Variants in MAP2K5 observed in about 807,000 individuals in gnomAD.
MAP2K5 encodes mitogen-activated protein kinase kinase 5.
In MAP2K5, 49 loss-of-function variants were observed where a neutral mutation model predicts 83.1. The observed-to-expected ratio is 0.59, with a 90% confidence interval of 0.47 to 0.75. The LOEUF (loss-of-function observed/expected upper bound fraction) is 0.75. Among genes scored for constraint, MAP2K5 ranks in the 30% least tolerant of loss-of-function variants. The pLI is 0.00. For synonymous variants in MAP2K5, 202 were observed against 191.8 expected (o/e 1.05, Z -0.44); for missense variants, 457 against 557.5 (o/e 0.82, Z 1.82).
At chr15:67,614,324 A>G (rs1464479987) in intron 8 of MAP2K5, among the ~76,000 whole-genome samples, 1 of 152,238 alleles carries the variant, frequency 6.6e-6, no homozygotes, top group Non-Finnish European at 1.5e-5. Flanking sequence ...TAGAATATTA[A>G]TTATTAGAAT....
intron 4 of MAP2K5, among the ~76,000 whole-genome samples, chr15:67,584,890 G>A (rs776216634): frequency 7.9e-5 from 12 of 151,146 alleles, no homozygotes; most frequent in Middle Eastern, 3.2e-3. Context: ...TAGAGACAGC[G>A]TTTCACCATA....
chr15:67,669,738 A>G (rs1358851639), intron 13 of MAP2K5, among the ~76,000 whole-genome samples: 2 of 151,988 alleles, frequency 1.3e-5, no homozygotes, highest in African/African-American at 2.4e-5. Context: ...AATTGTTAAC[A>G]GTTTAGTATG....
At chr15:67,678,977 A>AG (rs2087747153) in intron 13 of MAP2K5, among the ~76,000 whole-genome samples, 1 of 151,822 alleles carries the variant, frequency 6.6e-6, no homozygotes, top group Admixed American at 6.6e-5. Flanking sequence ...AAAAAAAAAA[A>AG]AAAGAACTAA....
chr15:67,758,346 G>T lies in MAP2K5; in HGVS notation c.1134+9745G>T, dbSNP rs189690632. Among the ~76,000 whole-genome samples the T allele has an allele frequency of 2.2e-3, 332 of 152,248 alleles. 1 individual carries two copies. The highest frequency in any genetic ancestry group is 6.8e-3 in the Middle Eastern group (2 of 294). ...TGAATCTCAGGGCTTGGGCAGTCAGGTGCATGGTGGTACTCTCCTGAGATG... is the reference window on the plus strand; with the variant it reads ...TGAATCTCAGGGCTTGGGCAGTCAGTTGCATGGTGGTACTCTCCTGAGATG... On this transcript the variant is annotated intron_variant, in intron 19 of 21. Coordinates refer to ENST00000178640, the MANE Select transcript of MAP2K5 (RefSeq NM_145160.3). The surrounding 1 kb of genome is among the most constrained non-coding windows in gnomAD (Gnocchi z 4.7).
chr15:67,669,303 A>C (rs1366381443), intron 13 of MAP2K5, among the ~76,000 whole-genome samples: 1 of 152,172 alleles, frequency 6.6e-6, no homozygotes, highest in Non-Finnish European at 1.5e-5. Context: ...GGAGTGTGTT[A>C]GAGGGTTGTT....
At chr15:67,762,565 CAAAAAAAA>C (rs5813455) in intron 19 of MAP2K5, among the ~76,000 whole-genome samples, 1 of 119,916 alleles carries the variant, frequency 8.3e-6, no homozygotes, top group African/African-American at 3.1e-5. Flanking sequence ...AAATGACAGA[CAAAAAAAA>C]AAAAAAAAAC....
rs2090372460 is a variant in MAP2K5, at chr15:67,784,000, C to A, written c.1242+11248C>A. ...AGTAACAATTGCACCTAACTTGGGG[C>A]TGAAGATGAATCCAGAAAGGATCCT... is the stretch of plus-strand genomic sequence containing the variant. On this transcript the variant is annotated intron_variant, in intron 21 of 21. Coordinates refer to ENST00000178640, the MANE Select transcript of MAP2K5 (RefSeq NM_145160.3). This position sits in a 1 kb window ranked among gnomAD's most constrained non-coding sequence, Gnocchi z 5.1. Among the ~76,000 whole-genome samples the A allele has an allele frequency of 6.6e-6, 1 of 152,144 alleles. No individual in the cohort carries two copies. Among genetic ancestry groups the A allele is most frequent in the African/African-American group, 2.4e-5 (1 of 41,418 alleles).
rs1049625254 is a variant in MAP2K5, at chr15:67,720,406, T to A, written c.1045-7510T>A. 6.6e-6 allele frequency among the ~76,000 whole-genome samples: 1 copy of A among 151,918 alleles called. No homozygotes were observed. The highest frequency in any genetic ancestry group is 2.4e-5 in the African/African-American group (1 of 41,358). On this transcript the variant is annotated intron_variant, in intron 16 of 21. Transcript: ENST00000178640. This position sits in a 1 kb window ranked among gnomAD's most constrained non-coding sequence, Gnocchi z 5.7. ...AAAAAAGAAAATGATGTAAGTGAAA[T>A]AGCGTATGGGAGAGGAAGGAGAATT...
intron 13 of MAP2K5, among the ~76,000 whole-genome samples, chr15:67,667,126 T>G (rs8032675): frequency 6.6e-6 from 1 of 151,974 alleles, no homozygotes; most frequent in Non-Finnish European, 1.5e-5. Context: ...TTACCTTAGA[T>G]TGAGTAGTTG....
intron 4 of MAP2K5, among the ~76,000 whole-genome samples, chr15:67,581,153 G>A (rs192988982): frequency 1.1e-4 from 17 of 152,216 alleles, no homozygotes; most frequent in African/African-American, 3.4e-4. Context: ...TATAAATTGT[G>A]GCTCATGATG....
intron 13 of MAP2K5, among the ~76,000 whole-genome samples, chr15:67,671,894 T>C (rs1432305225): frequency 6.8e-6 from 1 of 147,440 alleles, no homozygotes; most frequent in Non-Finnish European, 1.5e-5. Flanking sequence ...TTCCCACCTA[T>C]GAGTGAAAAC....
intron 20 of MAP2K5, among the ~76,000 whole-genome samples, chr15:67,772,305 C>T (rs1165167446): frequency 6.6e-6 from 1 of 151,788 alleles, no homozygotes; most frequent in East Asian, 1.9e-4. Context: ...ACTGTCTTAT[C>T]CCAATTACCA....
In MAP2K5 at chr15:67,748,474, T is replaced by C; in HGVS notation, c.1102-95T>C. 9.4e-7 allele frequency: 1 copy of C among 1,061,052 alleles called. No individual in the cohort carries two copies. Among genetic ancestry groups the C allele is most frequent in the Middle Eastern group, 2.0e-4 (1 of 4,880 alleles). The allele number at this position is 1,061,052 out of a possible 1,614,324, so 65.7% of individuals were successfully genotyped here. A position where few individuals can be genotyped will look rare whatever the true frequency, so the allele number is the denominator to read the frequency against. Reference sequence around the variant, plus strand: ...GTTTGCTGTTGTTGATTAATCTTGCTATATTTTATTGCATTAATGATTTTT... The same window carrying C: ...GTTTGCTGTTGTTGATTAATCTTGCCATATTTTATTGCATTAATGATTTTT... On this transcript the variant is annotated intron_variant, in intron 18 of 21. Coordinates refer to ENST00000178640, the MANE Select transcript of MAP2K5 (RefSeq NM_145160.3). The surrounding 1 kb of genome is among the most constrained non-coding windows in gnomAD (Gnocchi z 4.0).
chr15:67,717,595 C>G lies in MAP2K5; in HGVS notation c.1045-10321C>G, dbSNP rs1455041320. On this transcript the variant is annotated intron_variant, in intron 16 of 21. Coordinates refer to ENST00000178640, the MANE Select transcript of MAP2K5 (RefSeq NM_145160.3). The surrounding 1 kb of genome is among the most constrained non-coding windows in gnomAD (Gnocchi z 4.1). Reference sequence around the variant, plus strand: ...CCCAAAATTAGTGGCTTAAAATAACCATTTATTTACTCAGGATTCTGTGGG... The same window carrying G: ...CCCAAAATTAGTGGCTTAAAATAACGATTTATTTACTCAGGATTCTGTGGG... Among the ~76,000 whole-genome samples, 2 of 152,114 alleles carry G rather than the reference C, an allele frequency of 1.3e-5. No individual in the cohort carries two copies.
chr15:67,660,562 C>A (rs2087212251), intron 12 of MAP2K5, among the ~76,000 whole-genome samples: 1 of 152,096 alleles, frequency 6.6e-6, no homozygotes. Context: ...CAAGAAAACA[C>A]AAGGGTGCCA....
intron 11 of MAP2K5, among the ~76,000 whole-genome samples, chr15:67,650,687 G>A (rs2086931885): frequency 6.6e-6 from 1 of 151,952 alleles, no homozygotes; most frequent in South Asian, 2.1e-4. Context: ...ATTCCACTTA[G>A]TCATGATGTG....
chr15:67,714,751 C>T (rs937140697), intron 16 of MAP2K5, among the ~76,000 whole-genome samples: 4 of 152,078 alleles, frequency 2.6e-5, no homozygotes, highest in East Asian at 1.9e-4. Context: ...CTCCCAAATT[C>T]GAAATTTTTT....
At chr15:67,607,149 C>T (rs2085795116) in intron 8 of MAP2K5, among the ~76,000 whole-genome samples, 1 of 152,144 alleles carries the variant, frequency 6.6e-6, no homozygotes, top group African/African-American at 2.4e-5. Context: ...TTTCTAATCA[C>T]TTAAGGAGTC....
At chr15:67,583,551 G>A (rs904439782) in intron 4 of MAP2K5, among the ~76,000 whole-genome samples, 34 of 151,944 alleles carry the variant, frequency 2.2e-4, no homozygotes, top group African/African-American at 5.6e-4. Flanking sequence ...TACATCGAAT[G>A]TACATTTTAT....
Sources: gnomAD v4.1 joint callset for allele counts (sites outside exome capture counted in the v4.1 genomes callset) on GRCh38, gnomAD v4.1.1 for gene constraint, Gnocchi (gnomAD v3.1) non-coding constraint, MANE v1.5 for transcripts, NCBI Gene and HGNC (gene_info 2026-07-23, HGNC 2026-07-21) for gene names.